Variants in IPO11 observed in about 807,000 individuals in gnomAD.
The protein encoded by IPO11 is importin-11.
IPO11 carries 66 observed loss-of-function variants against 143.2 expected under a neutral mutation model. That is an observed-to-expected ratio of 0.46 (90% CI 0.38 to 0.57). The LOEUF (loss-of-function observed/expected upper bound fraction) is 0.57. IPO11 is among the 20% of genes least tolerant of loss of function. The pLI, the probability that IPO11 is intolerant of heterozygous loss-of-function variation, is 0.00. For synonymous variants in IPO11, 385 were observed against 377.8 expected, an observed-to-expected ratio of 1.02 and a Z score of -0.22; for missense variants, 1,026 against 1,141.0, an observed-to-expected ratio of 0.90 and a Z score of 1.45.
In IPO11 at chr5:62,627,397, C is replaced by A; in HGVS notation, c.*79C>A. On this transcript the variant is annotated 3_prime_UTR_variant, in exon 30 of 30. Transcript: ENST00000325324. ...CCTGCCGTTTGTATGTGAGAGCCTG[C>A]TGAGATGAAGAAATCACTTCATGAA... The A allele has an allele frequency of 7.6e-7, 1 of 1,323,664 alleles. No individual in the cohort carries two copies. Among genetic ancestry groups the A allele is most frequent in the Non-Finnish European group, 1.0e-6 (1 of 962,914 alleles). The allele number at this position is 1,323,664 out of a possible 1,614,324, so 82.0% of individuals were successfully genotyped here. A position where few individuals can be genotyped will look rare whatever the true frequency, so the allele number is the denominator to read the frequency against.
chr5:62,431,942 TACATACA>T (rs1744003149), intron 1 of IPO11, among the ~76,000 whole-genome samples: 1 of 78,212 alleles, frequency 1.3e-5, no homozygotes, highest in Non-Finnish European at 3.3e-5. Context: ...CTCACATACA[TACATACA>T]TACATACATA....
intron 1 of IPO11, among the ~76,000 whole-genome samples, chr5:62,428,747 T>A (rs572505025): frequency 7.2e-5 from 11 of 152,212 alleles, no homozygotes; most frequent in Admixed American, 2.0e-4. Context: ...TCACTGCAAG[T>A]CAGACTCCTG....
At chr5:62,580,261 A>G in intron 27 of IPO11, 2 of 1,543,706 alleles carry the variant, frequency 1.3e-6, no homozygotes, top group Non-Finnish European at 8.8e-7. Context: ...GTTTAGTGGA[A>G]TTAATAATCT....
chr5:62,530,881 AGT>A, intron 22 of IPO11, 96 bp downstream of exon 22: 1 of 892,300 alleles, frequency 1.1e-6, no homozygotes, highest in Non-Finnish European at 1.8e-6. Context: ...CAAAGTTGTA[AGT>A]TCAACTTCTA....
At chr5:62,575,668 C>T (rs1443040220) in intron 27 of IPO11, among the ~76,000 whole-genome samples, 1 of 152,158 alleles carries the variant, frequency 6.6e-6, no homozygotes, top group South Asian at 2.1e-4. Context: ...TAGAATATTG[C>T]ATAAGTGATG....
intron 20 of IPO11, among the ~76,000 whole-genome samples, chr5:62,516,056 G>A (rs1742002869): frequency 6.6e-6 from 1 of 152,146 alleles, no homozygotes; most frequent in African/African-American, 2.4e-5. Context: ...TGAGAGTATG[G>A]TTAGGGAAGA....
intron 9 of IPO11, 45 bp from the exon 10 acceptor site, chr5:62,483,056 T>G: frequency 8.2e-7 from 1 of 1,221,818 alleles, no homozygotes; most frequent in South Asian, 1.4e-5. Context: ...CAATATGAAT[T>G]TGGGGAAAAT....
Position 62,572,358 on chromosome 5 carries a change from G to C in IPO11, c.2582+11101G>C, listed in dbSNP as rs193279521. Among the ~76,000 whole-genome samples, 236 of 152,242 alleles carry C rather than the reference G, an allele frequency of 1.6e-3. 1 individual carries two copies. Among genetic ancestry groups the C allele is most frequent in the Non-Finnish European group, 2.5e-3 (171 of 68,026 alleles). On this transcript the variant is annotated intron_variant, in intron 27 of 29. Transcript: ENST00000325324. ...GAAATCAAGTGCATTTATTAAGAAAGTATTTATTGAGACTCTCCACTGCAT... is the reference window on the plus strand; with the variant it reads ...GAAATCAAGTGCATTTATTAAGAAACTATTTATTGAGACTCTCCACTGCAT...
intron 18 of IPO11, among the ~76,000 whole-genome samples, 163 bp from the exon 19 acceptor site, chr5:62,506,078 A>G (rs1741545417): frequency 6.6e-6 from 1 of 152,158 alleles, no homozygotes; most frequent in Non-Finnish European, 1.5e-5. Flanking sequence ...ATGTACCGGC[A>G]GCTTGAACGA....
intron 29 of IPO11, among the ~76,000 whole-genome samples, chr5:62,620,023 C>T (rs888468789): frequency 2.0e-4 from 30 of 152,094 alleles, no homozygotes; most frequent in African/African-American, 6.5e-4. Context: ...TCTTGAAATC[C>T]GCAGTCTTTA....
At chr5:62,426,778 T>C (rs974149781) in intron 1 of IPO11, among the ~76,000 whole-genome samples, 12 of 149,536 alleles carry the variant, frequency 8.0e-5, no homozygotes, top group Non-Finnish European at 1.3e-4. Flanking sequence ...TTTTATTTTG[T>C]ATAGTATTAT....
At chr5:62,490,408 G>A (rs778976086) in intron 15 of IPO11, among the ~76,000 whole-genome samples, 188 bp downstream of exon 15, 3 of 152,190 alleles carry the variant, frequency 2.0e-5, no homozygotes, top group Non-Finnish European at 2.9e-5. Context: ...GTAGTTTGCA[G>A]GAGAAAAGGA....
chr5:62,550,330 T>TG, intron 24 of IPO11, 37 bp from the exon 25 acceptor site: 1 of 1,436,608 alleles, frequency 7.0e-7, no homozygotes, highest in Non-Finnish European at 9.8e-7. Context: ...AGCAATGACT[T>TG]GCAGTATTAT....
chr5:62,603,937 T>TA (rs1745603628), intron 29 of IPO11, among the ~76,000 whole-genome samples: 1 of 152,198 alleles, frequency 6.6e-6, no homozygotes, highest in Non-Finnish European at 1.5e-5. Flanking sequence ...TGTGTTTAGA[T>TA]ACACAGATAC....
intron 5 of IPO11, among the ~76,000 whole-genome samples, chr5:62,460,718 G>C (rs893898241): frequency 6.6e-6 from 1 of 152,136 alleles, no homozygotes; most frequent in African/African-American, 2.4e-5. Context: ...AAAATGTTAA[G>C]TATTTGGGGG....
At chr5:62,419,710 G>T (rs1743431716) in intron 1 of IPO11, among the ~76,000 whole-genome samples, 2 of 151,962 alleles carry the variant, frequency 1.3e-5, no homozygotes, top group Non-Finnish European at 2.9e-5. Context: ...AAGAAGTATA[G>T]TAGTGGGGCT....
rs980453400 is a variant in IPO11, at chr5:62,627,832, G to A, written c.*514G>A. 13 of 152,656 alleles carry A rather than the reference G, an allele frequency of 8.5e-5. No individual in the cohort carries two copies. The highest frequency in any genetic ancestry group is 3.1e-4 in the African/African-American group (13 of 41,536). The allele number at this position is 152,656 out of a possible 1,614,324, so 9.5% of individuals were successfully genotyped here. A position where few individuals can be genotyped will look rare whatever the true frequency, so the allele number is the denominator to read the frequency against. On this transcript the variant is annotated 3_prime_UTR_variant, in exon 30 of 30. Transcript: ENST00000325324. ...AATAGTGACAAATACACATTACCAA[G>A]CTTATCTTGCAAGGGAGTTATTTTC... is the stretch of plus-strand genomic sequence containing the variant.
At position 62,541,020 on chromosome 5, in the gene IPO11, A is replaced by G. The variant is rs556273506; in HGVS notation, c.2250+3731A>G. On this transcript the variant is annotated intron_variant, in intron 24 of 29. Coordinates refer to ENST00000325324, the MANE Select transcript of IPO11 (RefSeq NM_016338.5). The stretch of plus-strand genomic sequence containing the variant: ...AACTAAGCAAGTTGTTTATACAATG[A>G]TGGTATATTATTAGCAAGAACTGCA... Among the ~76,000 whole-genome samples, 19 of 152,312 alleles carry G rather than the reference A, an allele frequency of 1.2e-4. No homozygotes were observed. The East Asian group carries it at 3.7e-3, about 29-fold the overall frequency.
chr5:62,610,033 C>G (rs929243857), intron 29 of IPO11, among the ~76,000 whole-genome samples: 4 of 152,172 alleles, frequency 2.6e-5, no homozygotes, highest in African/African-American at 9.7e-5. Context: ...GAGGGAATAA[C>G]AGCAGTCATG....
Sources: allele counts gnomAD v4.1 joint callset (sites outside exome capture counted in the v4.1 genomes callset), GRCh38; gene constraint gnomAD v4.1.1; transcripts MANE v1.5; gene names NCBI Gene and HGNC (gene_info 2026-07-23, HGNC 2026-07-21).